CEP112: variants seen among roughly 807,000 people sequenced by gnomAD.
CEP112 encodes the protein centrosomal protein 112.
CEP112 carries 127 observed loss-of-function variants against 153.0 expected under a neutral mutation model. The observed-to-expected ratio is 0.83, with a 90% CI of 0.72 to 0.96. The LOEUF (loss-of-function observed/expected upper bound fraction) is 0.96, where lower values mean the gene tolerates loss of function less well. Among genes scored for constraint, CEP112 ranks in the 40% least tolerant of loss-of-function variants. The pLI is 0.00. For missense variants in CEP112, 1,089 were observed against 1,101.2 expected (o/e 0.99, Z 0.16); for synonymous variants, 358 against 374.4 (o/e 0.96, Z 0.51).
At chr17:66,021,448 C>A (rs1309774799) in intron 16 of CEP112, among the ~76,000 whole-genome samples, 2 of 152,140 alleles carry the variant, frequency 1.3e-5, no homozygotes, top group Non-Finnish European at 2.9e-5. Context: ...GCCTGGGTAG[C>A]AGGTTTTGTG....
chr17:66,149,118 G>A (rs1156482692), intron 4 of CEP112, among the ~76,000 whole-genome samples: 1 of 152,176 alleles, frequency 6.6e-6, no homozygotes, highest in African/African-American at 2.4e-5. Flanking sequence ...TTCTGTTAAT[G>A]CTAATGTAGT....
chr17:65,911,678 A>G (rs2060288931), intron 19 of CEP112, among the ~76,000 whole-genome samples: 2 of 152,166 alleles, frequency 1.3e-5, no homozygotes, highest in Admixed American at 1.3e-4. Context: ...AAAATAAATA[A>G]AAAAGAAAAA....
intron 18 of CEP112, among the ~76,000 whole-genome samples, chr17:65,949,730 G>C (rs1183399154): frequency 1.3e-5 from 2 of 152,032 alleles, no homozygotes; most frequent in African/African-American, 4.8e-5. Flanking sequence ...TATGAGGAGT[G>C]GACCAATTAA....
At chr17:66,170,541 T>C (rs117388184) in intron 4 of CEP112, among the ~76,000 whole-genome samples, 1 of 151,926 alleles carries the variant, frequency 6.6e-6, no homozygotes, top group East Asian at 1.9e-4. Context: ...AAGGTGGGCA[T>C]ATCACTTAAG....
At chr17:65,906,187 T>C (rs979638526) in intron 19 of CEP112, among the ~76,000 whole-genome samples, 8 of 150,678 alleles carry the variant, frequency 5.3e-5, no homozygotes, top group Admixed American at 4.6e-4. Flanking sequence ...AAACACCCCA[T>C]GTTCTCACTC....
intron 18 of CEP112, among the ~76,000 whole-genome samples, chr17:65,937,908 T>C (rs1390480603): frequency 8.2e-6 from 1 of 121,840 alleles, no homozygotes; most frequent in Non-Finnish European, 1.7e-5. Flanking sequence ...CCACCCCATC[T>C]GGGAGGTGTG....
chr17:66,130,408 G>A (rs1216032021), intron 5 of CEP112, among the ~76,000 whole-genome samples: 1 of 151,966 alleles, frequency 6.6e-6, no homozygotes, highest in Non-Finnish European at 1.5e-5. Context: ...TGTCCAAGAA[G>A]CTCTTTGTTC....
chr17:66,075,917 A>T (rs2067476053), intron 8 of CEP112, among the ~76,000 whole-genome samples: 2 of 152,190 alleles, frequency 1.3e-5, no homozygotes, highest in African/African-American at 4.8e-5. Flanking sequence ...GAGACCCTCC[A>T]TTCCCAAACA....
At chr17:66,028,281 AT>A (rs1412637539) in intron 15 of CEP112, 31 bp downstream of exon 15, 1 of 1,306,488 alleles carries the variant, frequency 7.7e-7, no homozygotes, top group East Asian at 2.4e-5. Flanking sequence ...GTGTTTGACC[AT>A]TGTTCTTCTG....
rs1297596549 is a variant in CEP112 at position 65,937,711 on chromosome 17, G to A, written c.1873-10022C>T. Among the ~76,000 whole-genome samples the A allele has an allele frequency of 1.4e-4, 11 of 77,376 alleles. 1 individual carries two copies. The highest frequency in any genetic ancestry group is 9.0e-5 in the African/African-American group (2 of 22,282). 50.8% of individuals were successfully genotyped at this position (77,376 alleles called of 152,430 possible). On this transcript the variant is annotated intron_variant, in intron 18 of 26. Coordinates refer to ENST00000535342, the MANE Select transcript of CEP112 (RefSeq NM_001199165.4). ...CCTACTGGGAAGTGAGGAGCCCCCC[G>A]CCCGGCCAGCCGCCCAGTCTGGGAG... is the stretch of plus-strand genomic sequence containing the variant.
chr17:65,742,096 GTGT>G (rs748337168), intron 23 of CEP112, among the ~76,000 whole-genome samples: 5 of 151,456 alleles, frequency 3.3e-5, no homozygotes, highest in East Asian at 3.9e-4. Flanking sequence ...ATTCTATCTA[GTGT>G]TGTCTCAGCT....
intron 20 of CEP112, among the ~76,000 whole-genome samples, chr17:65,895,867 T>C (rs998072997): frequency 3.3e-5 from 5 of 152,066 alleles, no homozygotes; most frequent in African/African-American, 9.7e-5. Flanking sequence ...GCAGAACATA[T>C]GGTATACAAT....
intron 19 of CEP112, among the ~76,000 whole-genome samples, chr17:65,909,291 G>C (rs550605665): frequency 6.6e-6 from 1 of 152,234 alleles, no homozygotes; most frequent in East Asian, 1.9e-4. Flanking sequence ...TGTAAAAACG[G>C]GTTATAGCTA....
intron 19 of CEP112, among the ~76,000 whole-genome samples, chr17:65,917,701 T>G: frequency 6.6e-6 from 1 of 152,030 alleles, no homozygotes; most frequent in East Asian, 1.9e-4. Flanking sequence ...TTCCCTTCTT[T>G]TCTCACGAGG....
chr17:65,721,741 C>T (rs774732648), intron 23 of CEP112, among the ~76,000 whole-genome samples: 8 of 152,078 alleles, frequency 5.3e-5, no homozygotes, highest in South Asian at 2.1e-4. Context: ...TCCTTTGGAA[C>T]GCTCTTTAAA....
chr17:65,773,042 T>C (rs529296265), intron 21 of CEP112, among the ~76,000 whole-genome samples: 2 of 152,348 alleles, frequency 1.3e-5, no homozygotes, highest in Non-Finnish European at 2.9e-5. Flanking sequence ...CAGTAGGCAC[T>C]ATTATCCTCA....
chr17:66,158,491 A>T (rs1294669753), intron 4 of CEP112, among the ~76,000 whole-genome samples: 1 of 152,140 alleles, frequency 6.6e-6, no homozygotes, highest in Non-Finnish European at 1.5e-5. Context: ...GGGCGCCTGT[A>T]GTCCCAGCTA....
intron 23 of CEP112, among the ~76,000 whole-genome samples, chr17:65,705,383 G>A (rs1454337445): frequency 6.6e-6 from 1 of 152,198 alleles, no homozygotes; most frequent in East Asian, 1.9e-4. Context: ...GTTTTGGCAA[G>A]GGGAATAAAA....
chr17:66,029,785 G>A (rs1221768872), intron 13 of CEP112, 84 bp downstream of exon 13: 2 of 1,134,356 alleles, frequency 1.8e-6, no homozygotes, highest in African/African-American at 1.6e-5. Flanking sequence ...CGCACAAGGT[G>A]TAATTAATTT....
Sources: allele counts gnomAD v4.1 joint callset (sites outside exome capture counted in the v4.1 genomes callset), GRCh38; gene constraint gnomAD v4.1.1; transcripts MANE v1.5; gene names NCBI Gene and HGNC (gene_info 2026-07-23, HGNC 2026-07-21).